PTPRE: variants seen among roughly 807,000 people sequenced by gnomAD.
PTPRE encodes the protein protein tyrosine phosphatase receptor type E, also known as receptor-type tyrosine-protein phosphatase epsilon.
A neutral mutation model predicts 102.0 loss-of-function variants in PTPRE; 51 were observed. That is an observed-to-expected ratio of 0.50 (90% confidence interval 0.40 to 0.63). The LOEUF is 0.63. Among genes scored for constraint, PTPRE ranks in the 30% least tolerant of loss-of-function variants. The pLI, the probability that PTPRE is intolerant of heterozygous loss-of-function variation, is 0.00. For missense variants in PTPRE, 752 were observed against 915.1 expected, an observed-to-expected ratio of 0.82 and a Z score of 2.30; for synonymous variants, 345 against 348.2, an observed-to-expected ratio of 0.99 and a Z score of 0.10.
chr10:127,988,918 G>A (rs139914456), intron 2 of PTPRE, among the ~76,000 whole-genome samples: 4 of 152,244 alleles, frequency 2.6e-5, no homozygotes, highest in Admixed American at 6.5e-5. Context: ...TGGAACTACT[G>A]AACAAAAACA....
At chr10:128,054,631 T>C (rs1848806991) in intron 6 of PTPRE, among the ~76,000 whole-genome samples, 1 of 151,458 alleles carries the variant, frequency 6.6e-6, no homozygotes, top group African/African-American at 2.4e-5. Context: ...GGCCTCAACC[T>C]GTGGCCATGG....
intron 2 of PTPRE, among the ~76,000 whole-genome samples, chr10:128,015,216 A>G (rs1845318482): frequency 6.6e-6 from 1 of 152,196 alleles, no homozygotes; most frequent in Non-Finnish European, 1.5e-5. Flanking sequence ...TGTTTATAAG[A>G]GCAAACTAAC....
At chr10:128,003,153 G>C (rs1330935005) in intron 2 of PTPRE, among the ~76,000 whole-genome samples, 4 of 152,186 alleles carry the variant, frequency 2.6e-5, no homozygotes, top group African/African-American at 9.7e-5. Context: ...GAGGTGACTT[G>C]ACTGCTGTAA....
intron 3 of PTPRE, among the ~76,000 whole-genome samples, chr10:128,047,029 C>T (rs535585948): frequency 2.0e-4 from 30 of 152,324 alleles, no homozygotes; most frequent in African/African-American, 7.0e-4. Context: ...GTCAGCCTCC[C>T]GCGCTGTCCT....
rs1181107711 is a variant in PTPRE at position 128,005,436 on chromosome 10, C to G, written c.-8+23140C>G. ...GAGAGAACAGGCTCTAACCCAAGAG[C>G]CTTACACAGGGCCAGCCAGGAAATT... On this transcript the variant is annotated intron_variant, in intron 2 of 20. Coordinates refer to ENST00000254667, the MANE Select transcript of PTPRE (RefSeq NM_006504.6). 2.0e-5 allele frequency among the ~76,000 whole-genome samples: 3 copies of G among 152,204 alleles called. No individual in the cohort carries two copies. In the East Asian group the frequency reaches 5.8e-4, roughly 29 times the overall value.
At chr10:127,965,317 T>A (rs565065251) in intron 1 of PTPRE, among the ~76,000 whole-genome samples, 1 of 145,382 alleles carries the variant, frequency 6.9e-6, no homozygotes, top group Admixed American at 6.8e-5. Context: ...AGCTCAATCT[T>A]TTTTTTTTTT....
chr10:127,937,430 G>T (rs964499388), intron 1 of PTPRE, among the ~76,000 whole-genome samples: 23 of 152,284 alleles, frequency 1.5e-4, no homozygotes, highest in African/African-American at 3.8e-4. Context: ...CTGGAAGGAG[G>T]TTCTAGTGAT....
chr10:127,927,394 G>A (rs935625428), intron 1 of PTPRE, among the ~76,000 whole-genome samples: 5 of 152,214 alleles, frequency 3.3e-5, no homozygotes, highest in Non-Finnish European at 4.4e-5. Flanking sequence ...CCGCATGAGA[G>A]GGCATAGTGG....
intron 2 of PTPRE, among the ~76,000 whole-genome samples, chr10:128,029,011 C>A (rs114069022): frequency 6.6e-6 from 1 of 152,212 alleles, no homozygotes; most frequent in East Asian, 1.9e-4. Flanking sequence ...CCACATGCCC[C>A]GTCCTGTGGT....
chr10:127,963,037 C>T (rs1849951322), intron 1 of PTPRE, among the ~76,000 whole-genome samples: 1 of 152,168 alleles, frequency 6.6e-6, no homozygotes. Flanking sequence ...GGCTGAGAAA[C>T]ACTGGCTGAG....
intron 1 of PTPRE, among the ~76,000 whole-genome samples, chr10:127,972,820 C>T (rs537361621): frequency 6.6e-4 from 100 of 152,306 alleles, no homozygotes; most frequent in African/African-American, 2.3e-3. Flanking sequence ...AGGTGGGAGG[C>T]CTAGGGTTCT....
chr10:128,066,186 A>C lies in PTPRE; in HGVS notation c.835A>C (p.Ile279Leu). The C allele has an allele frequency of 1.2e-6, 2 of 1,614,012 alleles. No individual in the cohort carries two copies. Among genetic ancestry groups the C allele is most frequent in the Non-Finnish European group, 1.7e-6 (2 of 1,179,850 alleles). The stretch of plus-strand genomic sequence containing the variant: ...CGACTACACCATCCGGAAGTTCTGC[A>C]TACAGCCAGTAAGCATCTCTAGTTG... ...LVDYTIRKFC[I>L]QPQLPDGCKA... Residue 279 changes from isoleucine (I) to leucine (L), a missense_variant, in exon 11 of 21, where the codon ATA becomes CTA. Physicochemically the swap from Ile to Leu is conservative, Grantham distance 5. Transcript: ENST00000254667.
intron 11 of PTPRE, among the ~76,000 whole-genome samples, chr10:128,066,954 A>G (rs988212594): frequency 9.7e-5 from 13 of 134,584 alleles, no homozygotes; most frequent in Non-Finnish European, 2.0e-4. Flanking sequence ...ACATACACCC[A>G]CACACAGGCA....
At chr10:128,066,248 T>G (rs903880779) in intron 11 of PTPRE, 54 bp downstream of exon 11, 22 of 1,598,530 alleles carry the variant, frequency 1.4e-5, no homozygotes, top group Non-Finnish European at 1.9e-5. Flanking sequence ...GAGAGCATCA[T>G]GCCCAGAGTT....
rs71889727 is a variant in PTPRE, at chr10:128,067,145, GCA to G, written c.843+959_843+960del. Among the ~76,000 whole-genome samples, 1,369 of 143,352 alleles carry G rather than the reference GCA, an allele frequency of 9.5e-3. 15 individuals are homozygous for G. The highest frequency in any genetic ancestry group is 0.031 in the African/African-American group (1,178 of 38,614). The allele number at this position is 143,352 out of a possible 152,430, so 94.0% of individuals were successfully genotyped here. On this transcript the variant is annotated intron_variant, in intron 11 of 20. Coordinates refer to ENST00000254667, the MANE Select transcript of PTPRE (RefSeq NM_006504.6). ...TGCATGCACGTTCACACACACATGTGCACACACACCCCACTCACATGCACACA... is the reference window on the plus strand; with the variant it reads ...TGCATGCACGTTCACACACACATGTGCACACACCCCACTCACATGCACACA...
intron 1 of PTPRE, among the ~76,000 whole-genome samples, chr10:127,965,359 A>G (rs1370602750): frequency 2.0e-5 from 3 of 150,672 alleles, no homozygotes; most frequent in African/African-American, 7.3e-5. Context: ...ATTTAAATTG[A>G]TTTACATCCC....
At chr10:127,966,220 C>G (rs1694934612) in intron 1 of PTPRE, among the ~76,000 whole-genome samples, 1 of 152,186 alleles carries the variant, frequency 6.6e-6, no homozygotes, top group South Asian at 2.1e-4. Flanking sequence ...TCTGGGACCC[C>G]CTACCCCTGA....
chr10:128,051,819 C>T (rs966147751), intron 6 of PTPRE, among the ~76,000 whole-genome samples: 2 of 152,138 alleles, frequency 1.3e-5, no homozygotes, highest in Non-Finnish European at 2.9e-5. Flanking sequence ...GAGCCTGATC[C>T]TGTGTCTGGG....
At chr10:127,943,499 C>G (rs73376124) in intron 1 of PTPRE, among the ~76,000 whole-genome samples, 15,789 of 152,132 alleles carry the variant, frequency 0.1, 1,262 homozygotes, top group African/African-American at 0.21. Flanking sequence ...GAGACGGCTA[C>G]CTGAGCCTCT....
Sources: allele counts gnomAD v4.1 joint callset (sites outside exome capture counted in the v4.1 genomes callset), GRCh38; gene constraint gnomAD v4.1.1; transcripts MANE v1.5; gene names NCBI Gene and HGNC (gene_info 2026-07-23, HGNC 2026-07-21).